IPPK: variants seen among roughly 807,000 people sequenced by gnomAD.
IPPK encodes inositol-pentakisphosphate 2-kinase.
A neutral mutation model predicts 64.6 loss-of-function variants in IPPK; 22 were observed. The ratio of observed to expected loss-of-function variants is 0.34; its 90% CI spans 0.24 to 0.49. IPPK has a LOEUF of 0.49. IPPK is among the 20% of genes least tolerant of loss of function. The pLI is 0.99. For missense variants in IPPK, 532 were observed against 630.7 expected (o/e 0.84, Z 1.68); for synonymous variants, 262 against 247.2 (o/e 1.06, Z -0.56).
At chr9:92,649,892 G>A (rs541043140) in intron 4 of IPPK, among the ~76,000 whole-genome samples, 1 of 152,026 alleles carries the variant, frequency 6.6e-6, no homozygotes, top group Admixed American at 6.5e-5. Flanking sequence ...CAGGCATGGT[G>A]GCACGTGCCT....
intron 11 of IPPK, among the ~76,000 whole-genome samples, chr9:92,633,010 CTT>C (rs796756965): frequency 5.5e-4 from 79 of 144,252 alleles, no homozygotes; most frequent in Admixed American, 7.6e-4. Flanking sequence ...CTCAGAATAA[CTT>C]TTTTTTTTTT....
intron 1 of IPPK, among the ~76,000 whole-genome samples, chr9:92,660,942 C>T (rs1220078680): frequency 6.6e-6 from 1 of 152,204 alleles, no homozygotes; most frequent in Non-Finnish European, 1.5e-5. Flanking sequence ...AAAAACCATA[C>T]ACAGGTCCCA....
In IPPK at chr9:92,656,447, A is replaced by G. The variant is rs1241332777; in HGVS notation, c.225+9T>C. 2.5e-6 allele frequency: 4 copies of G among 1,577,996 alleles called. No homozygotes were observed. The African/African-American group carries it at 4.0e-5, about 16-fold the overall frequency. ...CCCAAGAATTCAGATGTGAATAAAA[A>G]GCACTTACCCCATAATGAACATAGT... is the stretch of plus-strand genomic sequence containing the variant. On this transcript the variant is annotated intron_variant, in intron 3 of 12. Coordinates refer to ENST00000287996, the MANE Select transcript of IPPK (RefSeq NM_022755.6).
At chr9:92,665,673 A>C (rs906090050) in intron 1 of IPPK, among the ~76,000 whole-genome samples, 3 of 152,228 alleles carry the variant, frequency 2.0e-5, no homozygotes, top group Non-Finnish European at 4.4e-5. Flanking sequence ...ATCATTTTGT[A>C]ATTATAACCA....
At chr9:92,669,387 C>A (rs1052357382) in intron 1 of IPPK, among the ~76,000 whole-genome samples, 1 of 152,246 alleles carries the variant, frequency 6.6e-6, no homozygotes, top group Non-Finnish European at 1.5e-5. Flanking sequence ...TGGACAACAT[C>A]CCCTTACTAT....
chr9:92,638,637 A>G (rs1030301403), intron 8 of IPPK, among the ~76,000 whole-genome samples: 2 of 152,218 alleles, frequency 1.3e-5, no homozygotes, highest in African/African-American at 2.4e-5. Flanking sequence ...CCAGTTACTC[A>G]AGAACCTGAG....
intron 11 of IPPK, among the ~76,000 whole-genome samples, chr9:92,621,190 G>A (rs1477957217): frequency 7.5e-6 from 1 of 134,042 alleles, no homozygotes; most frequent in Non-Finnish European, 1.6e-5. Flanking sequence ...ATCACCTTGG[G>A]AGTTGGGATT....
At position 92,649,524 on chromosome 9, in the gene IPPK, G is replaced by A. The variant is rs757107926; in HGVS notation, c.343C>T (p.Leu115Phe). 3.1e-6 allele frequency: 5 copies of A among 1,614,104 alleles called. No homozygotes were observed. In the South Asian group the frequency reaches 5.5e-5, roughly 18 times the overall value. The stretch of plus-strand genomic sequence containing the variant: ...GTTTGGAGTCTGGTTAAATTAGGAA[G>A]GCACATAGCGTAACCACTGAGAGTA... ...LDTLSGYAMC[L>F]PNLTRLQTYR... Residue 115 changes from leucine (L) to phenylalanine (F), a missense_variant, in exon 5 of 13, where the codon CTT (leucine) becomes TTT (phenylalanine). Transcript: ENST00000287996.
chr9:92,640,555 C>T (rs1852027079), intron 8 of IPPK, among the ~76,000 whole-genome samples, 155 bp downstream of exon 8: 1 of 152,050 alleles, frequency 6.6e-6, no homozygotes, highest in Non-Finnish European at 1.5e-5. Context: ...CTGGAAGGTC[C>T]AAGGTGATGA....
At chr9:92,619,297 T>G (rs984563389) in intron 12 of IPPK, 189 bp downstream of exon 12, 2 of 571,552 alleles carry the variant, frequency 3.5e-6, no homozygotes, top group African/African-American at 3.7e-5. Context: ...ATCTGTCTTT[T>G]GACTGAATTA....
At chr9:92,632,782 A>C (rs1851868533) in intron 11 of IPPK, among the ~76,000 whole-genome samples, 1 of 152,180 alleles carries the variant, frequency 6.6e-6, no homozygotes, top group African/African-American at 2.4e-5. Context: ...GTTCTCCTCA[A>C]AACAGACAGC....
chr9:92,646,724 G>A (rs531146820), intron 6 of IPPK, among the ~76,000 whole-genome samples: 22 of 152,068 alleles, frequency 1.4e-4, no homozygotes, highest in Non-Finnish European at 2.9e-4. Flanking sequence ...TTGGGAGGCC[G>A]AGGCAGGTGG....
At chr9:92,628,544 T>C (rs558066669) in intron 11 of IPPK, among the ~76,000 whole-genome samples, 2 of 152,352 alleles carry the variant, frequency 1.3e-5, no homozygotes, top group Admixed American at 1.3e-4. Context: ...TCAAGAAGGA[T>C]GTTAAGATCA....
At chr9:92,650,688 T>C (rs1852249078) in intron 4 of IPPK, among the ~76,000 whole-genome samples, 1 of 152,168 alleles carries the variant, frequency 6.6e-6, no homozygotes, top group African/African-American at 2.4e-5. Context: ...CAGTGAGTTA[T>C]GTTGGTCCTT....
At chr9:92,663,304 C>A (rs1310462712) in intron 1 of IPPK, among the ~76,000 whole-genome samples, 1 of 152,176 alleles carries the variant, frequency 6.6e-6, no homozygotes, top group Admixed American at 6.5e-5. Context: ...CAGTCCAGAA[C>A]CATGCTGCGC....
At position 92,634,488 on chromosome 9, in the gene IPPK, T is replaced by A; in HGVS notation, c.1068A>T (p.Arg356Ser). 1 of 1,610,908 alleles carries A rather than the reference T, an allele frequency of 6.2e-7. No individual in the cohort carries two copies. The highest frequency in any genetic ancestry group is 8.5e-7 in the Non-Finnish European group (1 of 1,177,060). ...ERYLEEFPEE[R>S]KTLQIDGPYD... ...AAGGCCCATCTATTTGTAAGGTTTT[T>A]CTGAAGAAGAAAGCACAATAAAAAC... The change falls in exon 11 of 13, where the codon AGA becomes AGT. Residue 356 changes from arginine to serine, a missense_variant and splice_region_variant. By Grantham distance (110) the Arg-to-Ser change is moderately radical. Coordinates refer to ENST00000287996, the MANE Select transcript of IPPK (RefSeq NM_022755.6).
intron 5 of IPPK, among the ~76,000 whole-genome samples, chr9:92,648,540 G>C (rs1852193910): frequency 6.6e-6 from 1 of 152,218 alleles, no homozygotes; most frequent in South Asian, 2.1e-4. Flanking sequence ...TGGCCCGACA[G>C]AGGCCCATCT....
chr9:92,622,206 GA>G (rs1316286460), intron 11 of IPPK, among the ~76,000 whole-genome samples: 4 of 150,448 alleles, frequency 2.7e-5, no homozygotes, highest in East Asian at 1.9e-4. Flanking sequence ...GCCACTTAAG[GA>G]AAAAAAAACC....
At chr9:92,654,177 C>T (rs1852325358) in intron 3 of IPPK, among the ~76,000 whole-genome samples, 1 of 152,168 alleles carries the variant, frequency 6.6e-6, no homozygotes, top group Non-Finnish European at 1.5e-5. Flanking sequence ...TTTCCAACAG[C>T]TGTAAATCAC....
Sources: allele counts gnomAD v4.1 joint callset (sites outside exome capture counted in the v4.1 genomes callset), GRCh38; gene constraint gnomAD v4.1.1; transcripts MANE v1.5; gene names NCBI Gene and HGNC (gene_info 2026-07-23, HGNC 2026-07-21).